The following FOCAD variants were observed in gnomAD, a reference collection of about 807,000 sequenced individuals.
FOCAD encodes focadhesin.
In FOCAD, 198 loss-of-function variants were observed where a neutral mutation model predicts 225.6. The observed-to-expected ratio is 0.88, with a 90% CI of 0.78 to 0.99. The LOEUF is 0.99. Among genes scored for constraint, FOCAD ranks in the 50% least tolerant of loss-of-function variants. The pLI, the probability that FOCAD is intolerant of heterozygous loss-of-function variation, is 0.00. For synonymous variants in FOCAD, 897 were observed against 755.0 expected, an observed-to-expected ratio of 1.19 and a Z score of -3.08; for missense variants, 2,713 against 2,123.6, an observed-to-expected ratio of 1.28 and a Z score of -5.46.
chr9:20,885,900 A>G (rs1831066142), intron 21 of FOCAD, among the ~76,000 whole-genome samples: 1 of 152,248 alleles, frequency 6.6e-6, no homozygotes, highest in South Asian at 2.1e-4. Context: ...AAAGAGATTT[A>G]TATAGTTCAG....
intron 30 of FOCAD, 30 bp downstream of exon 30, chr9:20,946,850 C>G (rs2132339467): frequency 1.2e-6 from 2 of 1,610,034 alleles, no homozygotes; most frequent in East Asian, 2.2e-5. Context: ...TTATTTCTCT[C>G]TGTGGGTCTC....
intron 21 of FOCAD, among the ~76,000 whole-genome samples, chr9:20,900,197 C>T (rs1332390733): frequency 6.6e-6 from 1 of 151,928 alleles, no homozygotes; most frequent in Non-Finnish European, 1.5e-5. Context: ...ATGCTGATTT[C>T]TCCCTGGATG....
At chr9:20,711,826 T>G (rs1824875217) in intron 1 of FOCAD, among the ~76,000 whole-genome samples, 1 of 152,148 alleles carries the variant, frequency 6.6e-6, no homozygotes, top group African/African-American at 2.4e-5. Flanking sequence ...TGGGAGAGTT[T>G]GTATGGAGGG....
chr9:20,788,447 C>T (rs1820168492), intron 10 of FOCAD, among the ~76,000 whole-genome samples: 1 of 151,950 alleles, frequency 6.6e-6, no homozygotes, highest in South Asian at 2.1e-4. Context: ...TAAAAGGGTG[C>T]CTTTTATAGT....
chr9:20,798,331 G>A (rs1191975092), intron 11 of FOCAD, among the ~76,000 whole-genome samples: 6 of 152,050 alleles, frequency 3.9e-5, no homozygotes, highest in Non-Finnish European at 5.9e-5. Context: ...GTCTCTGCCA[G>A]GCTTTGGTAT....
Position 20,695,228 on chromosome 9 carries a change from C to G in FOCAD, c.-33+10935C>G, listed in dbSNP as rs565824942. 4.6e-5 allele frequency among the ~76,000 whole-genome samples: 7 copies of G among 152,094 alleles called. No individual in the cohort carries two copies. The East Asian group carries it at 5.8e-4, about 13-fold the overall frequency. On this transcript the variant is annotated intron_variant, in intron 1 of 43. Coordinates refer to ENST00000338382, the MANE Select transcript of FOCAD (RefSeq NM_001375567.1). Reference sequence around the variant, plus strand: ...TTAGGTAAGAGTATTTTTACAGAAGCCTGTGTATGTCCTATTCCATCACCC... The same window carrying G: ...TTAGGTAAGAGTATTTTTACAGAAGGCTGTGTATGTCCTATTCCATCACCC...
chr9:20,931,790 C>T (rs575894501), intron 27 of FOCAD, among the ~76,000 whole-genome samples: 15 of 151,284 alleles, frequency 9.9e-5, no homozygotes, highest in South Asian at 4.2e-4. Context: ...CCCAGCTACT[C>T]GGGAAGCTGA....
intron 7 of FOCAD, among the ~76,000 whole-genome samples, chr9:20,768,141 T>C (rs916990855): frequency 1.3e-5 from 2 of 148,992 alleles, no homozygotes; most frequent in Admixed American, 6.7e-5. Flanking sequence ...GTTGTAGATA[T>C]GCGGCGTTAT....
chr9:20,656,249 T>C (rs1216963200), upstream of FOCAD, among the ~76,000 whole-genome samples: 1 of 151,440 alleles, frequency 6.6e-6, no homozygotes, highest in Non-Finnish European at 1.5e-5. Context: ...AAAATGTATA[T>C]TCTGTTGATT....
intron 21 of FOCAD, among the ~76,000 whole-genome samples, chr9:20,905,567 T>TATTG (rs1461341956): frequency 6.6e-6 from 1 of 151,958 alleles, no homozygotes; most frequent in Admixed American, 6.6e-5. Context: ...GGTGATTGAG[T>TATTG]ATTGTTTCTG....
chr9:20,755,434 C>T (rs1203648088), intron 5 of FOCAD, among the ~76,000 whole-genome samples: 2 of 152,182 alleles, frequency 1.3e-5, no homozygotes, highest in African/African-American at 4.8e-5. Context: ...ACATATACAT[C>T]ACTTTTAATC....
intron 2 of FOCAD, among the ~76,000 whole-genome samples, chr9:20,663,906 C>G (rs746405376): frequency 6.6e-6 from 1 of 152,032 alleles, no homozygotes; most frequent in Non-Finnish European, 1.5e-5. Context: ...ATGTTTCTTT[C>G]TATTCTTTAT....
At chr9:20,726,328 C>G (rs996486142) in intron 4 of FOCAD, 1 of 152,092 alleles carries the variant, frequency 6.6e-6, no homozygotes, top group African/African-American at 2.4e-5. Flanking sequence ...AATAAAAAAT[C>G]TTGCTCTCCT....
intron 42 of FOCAD, 63 bp downstream of exon 42, chr9:20,990,437 T>G: frequency 6.3e-7 from 1 of 1,575,508 alleles, no homozygotes; most frequent in Non-Finnish European, 8.6e-7. Context: ...CAGTTTCTAC[T>G]GTAGAATTGA....
rs560616444 is a variant in FOCAD, at chr9:20,897,576, A to G, written c.2626-9574A>G. On this transcript the variant is annotated intron_variant, in intron 21 of 43. Transcript: ENST00000338382. The stretch of plus-strand genomic sequence containing the variant: ...AAATGATTGCCACACAGTATGCAAT[A>G]TATATTTACAACTATGTCTACTTGC... 2.1e-3 allele frequency among the ~76,000 whole-genome samples: 321 copies of G among 151,828 alleles called. 2 individuals are homozygous for G. The highest frequency in any genetic ancestry group is 7.3e-3 in the African/African-American group (304 of 41,506).
chr9:20,749,935 G>C (rs1022642579), intron 5 of FOCAD, among the ~76,000 whole-genome samples: 3 of 152,068 alleles, frequency 2.0e-5, no homozygotes, highest in Admixed American at 2.0e-4. Context: ...CATTGCCTCT[G>C]TGCTAGTCTG....
At chr9:20,769,617 C>A (rs910295921) in intron 7 of FOCAD, among the ~76,000 whole-genome samples, 1 of 152,142 alleles carries the variant, frequency 6.6e-6, no homozygotes, top group African/African-American at 2.4e-5. Context: ...GGGCTTAGTA[C>A]CGTGTTAGAA....
intron 24 of FOCAD, among the ~76,000 whole-genome samples, chr9:20,920,576 A>T (rs1444311257): frequency 2.9e-4 from 3 of 10,312 alleles, no homozygotes; most frequent in Non-Finnish European, 5.5e-4. Context: ...ATGTCCAACA[A>T]TGATAGACTG....
chr9:20,860,702 G>T (rs371278361), intron 15 of FOCAD, among the ~76,000 whole-genome samples: 2 of 152,106 alleles, frequency 1.3e-5, no homozygotes, highest in Non-Finnish European at 2.9e-5. Flanking sequence ...GTAGAGACAG[G>T]GTTTCACTGT....
Sources: allele counts gnomAD v4.1 joint callset (sites outside exome capture counted in the v4.1 genomes callset), GRCh38; gene constraint gnomAD v4.1.1; transcripts MANE v1.5; gene names NCBI Gene and HGNC (gene_info 2026-07-23, HGNC 2026-07-21).